Variants in ZNF503 observed in about 807,000 individuals in gnomAD.
ZNF503 encodes the protein zinc finger protein 503.
ZNF503 carries 15 observed loss-of-function variants against 34.4 expected under a neutral mutation model. The ratio of observed to expected loss-of-function variants is 0.44; its 90% confidence interval spans 0.29 to 0.67. The LOEUF (loss-of-function observed/expected upper bound fraction) is 0.67. Among genes scored for constraint, ZNF503 ranks in the 30% least tolerant of loss-of-function variants. The probability of loss-of-function intolerance (pLI) is 0.13; values close to 1 mark genes in which losing one functional copy is unlikely to be tolerated. For synonymous variants in ZNF503, 580 were observed against 456.8 expected (o/e 1.27, Z -3.44); for missense variants, 1,007 against 926.8 (o/e 1.09, Z -1.12).
At chr10:75,312,001 T>A in the ZNF503 span, among the ~76,000 whole-genome samples, 1 of 151,836 alleles carries the variant, frequency 6.6e-6, no homozygotes, top group Non-Finnish European at 1.5e-5. Context: ...TGCCTCAGCC[T>A]CCCAAACAGC....
At chr10:75,295,565 T>G in the ZNF503 span, 1 of 152,146 alleles carries the variant, frequency 6.6e-6, no homozygotes, top group African/African-American at 2.4e-5. The surrounding 1 kb of genome is among the most constrained non-coding windows in gnomAD (Gnocchi z 4.0). Flanking sequence ...AGATGGAAAT[T>G]TCGAGCAATG....
At chr10:75,368,591 C>T in the ZNF503 span, among the ~76,000 whole-genome samples, 1 of 152,192 alleles carries the variant, frequency 6.6e-6, no homozygotes, top group Non-Finnish European at 1.5e-5. Flanking sequence ...AAGCAGACCA[C>T]CTTCTTAGCA....
At chr10:75,314,977 A>G in the ZNF503 span, among the ~76,000 whole-genome samples, 1 of 152,268 alleles carries the variant, frequency 6.6e-6, no homozygotes, top group African/African-American at 2.4e-5. Flanking sequence ...ATAATTAAGT[A>G]TATAGTTAAT....
downstream of ZNF503, among the ~76,000 whole-genome samples, chr10:75,397,047 G>C (rs1302832342): frequency 6.6e-6 from 1 of 152,182 alleles, no homozygotes; most frequent in Non-Finnish European, 1.5e-5. Context: ...GCGCCGGGAC[G>C]CTCGCGGGGC....
chr10:75,344,060 T>C, the ZNF503 span, among the ~76,000 whole-genome samples: 1 of 152,212 alleles, frequency 6.6e-6, no homozygotes, highest in Admixed American at 6.5e-5. Flanking sequence ...TTAATCAGTC[T>C]ATAGCTAATT....
At chr10:75,350,380 C>T in the ZNF503 span, 1 of 152,146 alleles carries the variant, frequency 6.6e-6, no homozygotes, top group Non-Finnish European at 1.5e-5. Flanking sequence ...AAGCAGAAGC[C>T]ATCCTGGGCA....
At chr10:75,392,169 G>A in the ZNF503 span, among the ~76,000 whole-genome samples, 584 of 152,294 alleles carry the variant, frequency 3.8e-3, 6 homozygotes, top group Non-Finnish European at 6.5e-3. Context: ...ATGAATAAGT[G>A]AATGGATGGA....
At chr10:75,303,476 C>T in the ZNF503 span, among the ~76,000 whole-genome samples, 1 of 152,180 alleles carries the variant, frequency 6.6e-6, no homozygotes, top group African/African-American at 2.4e-5. Flanking sequence ...CCACGTTGTA[C>T]CATGTAAAGC....
chr10:75,399,395 C>T lies in ZNF503; in HGVS notation c.1295G>A (p.Cys432Tyr). The T allele has an allele frequency of 6.2e-7, 1 of 1,605,798 alleles. No homozygotes were observed. Among genetic ancestry groups the T allele is most frequent in the Non-Finnish European group, 8.5e-7 (1 of 1,178,634 alleles). ...MTASLCRDPY[C>Y]LSYHCASHLA... is the part of the protein sequence containing the mutation. The stretch of plus-strand genomic sequence containing the variant: ...GTGGCTAGCGCAGTGGTAGCTGAGG[C>T]AGTAAGGGTCCCGGCACAAACTGGC... Residue 432 changes from cysteine (C) to tyrosine (Y), a missense_variant, in exon 2 of 2, where the codon TGC (cysteine) becomes TAC (tyrosine). Transcript: ENST00000372524.
chr10:75,289,612 G>T, the ZNF503 span, among the ~76,000 whole-genome samples: 2 of 152,114 alleles, frequency 1.3e-5, no homozygotes, highest in African/African-American at 4.8e-5. Flanking sequence ...TTTAGATGGA[G>T]TCTTGCTCTG....
chr10:75,365,528 G>A, the ZNF503 span, among the ~76,000 whole-genome samples: 1 of 152,222 alleles, frequency 6.6e-6, no homozygotes, highest in Non-Finnish European at 1.5e-5. Flanking sequence ...TTAAATGTGT[G>A]TGTATTTCAG....
the ZNF503 span, among the ~76,000 whole-genome samples, chr10:75,294,405 C>G: frequency 6.6e-6 from 1 of 152,196 alleles, no homozygotes; most frequent in Non-Finnish European, 1.5e-5. Flanking sequence ...CTGGAGCTCC[C>G]TTTCCCTAAG....
At position 75,399,633 on chromosome 10, in the gene ZNF503, G is replaced by A. The variant is rs542484121; in HGVS notation, c.1057C>T (p.Pro353Ser). The change falls in exon 2 of 2, where the codon CCT becomes TCT. Residue 353 changes from proline (P) to serine (S), a missense_variant. Pro to Ser is a moderately conservative substitution (Grantham distance 74). Transcript: ENST00000372524. The stretch of plus-strand genomic sequence containing the variant: ...CCTGGGTAGGTCATACCCGCGGGAG[G>A]CAGAGGGAACACTGTCTGGCCCGGC... ...YKPGQTVFPL[P>S]PAGMTYPGSL... 2.4e-5 allele frequency: 39 copies of A among 1,598,852 alleles called. No individual in the cohort carries two copies. The highest frequency in any genetic ancestry group is 3.3e-4 in the Middle Eastern group (2 of 6,010).
At chr10:75,313,907 A>G in the ZNF503 span, among the ~76,000 whole-genome samples, 6 of 152,180 alleles carry the variant, frequency 3.9e-5, no homozygotes, top group African/African-American at 1.4e-4. Context: ...GCCACTCCTA[A>G]GAGGGAACAA....
the ZNF503 span, among the ~76,000 whole-genome samples, chr10:75,294,055 A>G: frequency 6.6e-6 from 1 of 152,322 alleles, no homozygotes; most frequent in African/African-American, 2.4e-5. Flanking sequence ...CTCAATCCTA[A>G]AAAACACAGC....
At chr10:75,306,282 C>T in the ZNF503 span, among the ~76,000 whole-genome samples, 93 of 152,178 alleles carry the variant, frequency 6.1e-4, 1 homozygote, top group East Asian at 2.3e-3. Context: ...TTTGCATTTC[C>T]CTAGTGATTA....
chr10:75,323,966 C>T, the ZNF503 span, among the ~76,000 whole-genome samples: 7 of 129,120 alleles, frequency 5.4e-5, no homozygotes, highest in East Asian at 4.4e-4. Flanking sequence ...CTCTAGCCTG[C>T]GCAAAAAAGA....
chr10:75,283,098 A>T, the ZNF503 span, among the ~76,000 whole-genome samples: 5 of 152,356 alleles, frequency 3.3e-5, no homozygotes, highest in East Asian at 5.8e-4. Flanking sequence ...AGGAAGGGAG[A>T]AAAGCACAGG....
At chr10:75,323,141 T>A in the ZNF503 span, among the ~76,000 whole-genome samples, 2 of 152,182 alleles carry the variant, frequency 1.3e-5, no homozygotes, top group Admixed American at 1.3e-4. Flanking sequence ...TGGCTCTGAC[T>A]TCTTTCACAT....
Sources: allele counts gnomAD v4.1 joint callset (sites outside exome capture counted in the v4.1 genomes callset), GRCh38; gene constraint gnomAD v4.1.1; non-coding constraint Gnocchi (gnomAD v3.1); transcripts MANE v1.5; gene names NCBI Gene and HGNC (gene_info 2026-07-23, HGNC 2026-07-21).